Variants in SLC2A9 observed in about 807,000 individuals in gnomAD.
SLC2A9 encodes solute carrier family 2, facilitated glucose transporter member 9.
SLC2A9 carries 39 observed loss-of-function variants against 50.6 expected under a neutral mutation model. The ratio of observed to expected loss-of-function variants is 0.77; its 90% CI spans 0.60 to 1.01. SLC2A9 has a LOEUF of 1.01. Ranked by LOEUF, SLC2A9 falls within the 50% of genes least tolerant of loss-of-function variation. The pLI, the probability that SLC2A9 is intolerant of heterozygous loss-of-function variation, is 0.00. For missense variants in SLC2A9, 686 were observed against 677.6 expected (o/e 1.01, Z -0.14); for synonymous variants, 324 against 276.9 (o/e 1.17, Z -1.69).
chr4:9,989,016 A>G (rs948572441), intron 3 of SLC2A9, among the ~76,000 whole-genome samples: 1 of 152,224 alleles, frequency 6.6e-6, no homozygotes, highest in African/African-American at 2.4e-5. Flanking sequence ...TATGGAAATA[A>G]TGTATCTCTC....
chr4:9,785,106 A>G (rs532838307), intron 3 of SLC2A9, among the ~76,000 whole-genome samples: 1 of 152,316 alleles, frequency 6.6e-6, no homozygotes, highest in Admixed American at 6.5e-5. Context: ...TAAGCGAACC[A>G]TTAGGCAACA....
At chr4:9,921,056 T>A (rs1220179637) in intron 6 of SLC2A9, among the ~76,000 whole-genome samples, 3 of 152,206 alleles carry the variant, frequency 2.0e-5, no homozygotes, top group African/African-American at 7.2e-5. Context: ...TTCATCCTCA[T>A]TGCAGGTGTC....
At chr4:9,958,981 C>A (rs375993880) in intron 5 of SLC2A9, among the ~76,000 whole-genome samples, 5 of 112,666 alleles carry the variant, frequency 4.4e-5, no homozygotes, top group Non-Finnish European at 7.2e-5. Flanking sequence ...AAAGGTTGTA[C>A]GAGAAAGGAA....
At chr4:9,887,419 G>A (rs986147467) in intron 10 of SLC2A9, 148 bp downstream of exon 10, 69 of 721,128 alleles carry the variant, frequency 9.6e-5, no homozygotes, top group Non-Finnish European at 1.3e-4. Flanking sequence ...CATTTAAATT[G>A]GGCCAAAAGA....
At chr4:9,952,490 T>A (rs145846196) in intron 5 of SLC2A9, among the ~76,000 whole-genome samples, 1 of 151,828 alleles carries the variant, frequency 6.6e-6, no homozygotes, top group African/African-American at 2.4e-5. Flanking sequence ...CATGAGCCAA[T>A]TAAACCTCTT....
chr4:9,784,721 C>T (rs1718996752), intron 3 of SLC2A9, among the ~76,000 whole-genome samples: 1 of 152,158 alleles, frequency 6.6e-6, no homozygotes, highest in Non-Finnish European at 1.5e-5. Context: ...CAGACCCACA[C>T]CAGTTGAGAG....
Position 9,990,884 on chromosome 4 carries a change from A to G in SLC2A9, c.411-5091T>C, listed in dbSNP as rs532262110. Among the ~76,000 whole-genome samples, 8 of 152,330 alleles carry G rather than the reference A, an allele frequency of 5.3e-5. No homozygotes were observed. The South Asian group carries it at 1.2e-3, about 24-fold the overall frequency. Reference sequence around the variant, plus strand: ...CAAGTCTTCTAAGGCTGGGAGAAGCAGGGTTGAGGATCAGGTTTCCTGGCT... The same window carrying G: ...CAAGTCTTCTAAGGCTGGGAGAAGCGGGGTTGAGGATCAGGTTTCCTGGCT... On this transcript the variant is annotated intron_variant, in intron 3 of 11. Coordinates refer to ENST00000264784, the MANE Select transcript of SLC2A9 (RefSeq NM_020041.3).
chr4:9,964,036 C>T (rs1461818997), intron 5 of SLC2A9, among the ~76,000 whole-genome samples: 3 of 152,090 alleles, frequency 2.0e-5, no homozygotes, highest in Admixed American at 6.5e-5. Context: ...GGACCTGGCA[C>T]GTCACCATCC....
intron 10 of SLC2A9, among the ~76,000 whole-genome samples, chr4:9,875,935 C>CA (rs1266521915): frequency 5.9e-5 from 9 of 152,322 alleles, no homozygotes; most frequent in Admixed American, 2.6e-4. Flanking sequence ...GGGCACCAAA[C>CA]AAAGCCATAG....
In SLC2A9 at chr4:9,996,846, G is replaced by A; in HGVS notation, c.345C>T (p.Ser115=). The stretch of plus-strand genomic sequence containing the variant: ...CCACAAGTCCACCGATGGCGAATAT[G>A]GACACAGTCACAGACCAGAGCAAAG... ...TLTLLWSVTV[S]IFAIGGLVGT... The change falls in exon 3 of 12, where the codon TCC becomes TCT. Residue 115 remains serine (S), a synonymous_variant. Transcript: ENST00000264784. 1 of 1,614,178 alleles carries A rather than the reference G, an allele frequency of 6.2e-7. No individual in the cohort carries two copies. Among genetic ancestry groups the A allele is most frequent in the Non-Finnish European group, 8.5e-7 (1 of 1,180,020 alleles).
chr4:9,959,278 G>C (rs569941413), intron 5 of SLC2A9, among the ~76,000 whole-genome samples: 1 of 151,382 alleles, frequency 6.6e-6, no homozygotes, highest in South Asian at 2.1e-4. Flanking sequence ...TGTAATCCCA[G>C]CTACTCTGAT....
chr4:10,024,920 G>A (rs1167499470), upstream of SLC2A9, among the ~76,000 whole-genome samples: 3 of 152,180 alleles, frequency 2.0e-5, no homozygotes, highest in Non-Finnish European at 4.4e-5. Context: ...GTAGATCCTT[G>A]ACTCACCTAA....
chr4:10,035,202 C>A (rs1399762711), intron 1 of SLC2A9: 1 of 152,242 alleles, frequency 6.6e-6, no homozygotes, highest in Non-Finnish European at 1.5e-5. Context: ...TCCTAGGCAC[C>A]CAGGCTGGGC....
At chr4:9,852,247 CTTTTT>C (rs34058781) in intron 10 of SLC2A9, among the ~76,000 whole-genome samples, 1 of 140,866 alleles carries the variant, frequency 7.1e-6, no homozygotes. Flanking sequence ...ATCCAGTATT[CTTTTT>C]TTTTTTTTTT....
At chr4:9,848,982 G>A (rs547323017) in intron 10 of SLC2A9, among the ~76,000 whole-genome samples, 14 of 152,298 alleles carry the variant, frequency 9.2e-5, no homozygotes, top group South Asian at 2.1e-4. Flanking sequence ...GATTACAGGC[G>A]TGAGCCACCG....
intron 6 of SLC2A9, chr4:9,923,902 C>T (rs938553): frequency 0.18 from 26,730 of 152,216 alleles, 2,561 homozygotes; most frequent in Non-Finnish European, 0.21. Flanking sequence ...TGGCTACTTG[C>T]CTCGTTCTTT....
chr4:9,872,613 G>A (rs562603596), intron 10 of SLC2A9, among the ~76,000 whole-genome samples: 1 of 152,176 alleles, frequency 6.6e-6, no homozygotes, highest in Non-Finnish European at 1.5e-5. Flanking sequence ...GAAAGGGAAA[G>A]ATATATATAT....
rs138206300 is a variant in SLC2A9 at position 9,991,802 on chromosome 4, G to A, written c.410+4979C>T. ...TCTGCAAGCCATGGAGAGAAGCCTC[G>A]GGAGGAAAAGACCTGCCGACACTTT... On this transcript the variant is annotated intron_variant, in intron 3 of 11. Transcript: ENST00000264784. Among the ~76,000 whole-genome samples the A allele has an allele frequency of 2.1e-3, 315 of 152,276 alleles. 1 individual carries two copies. Among genetic ancestry groups the A allele is most frequent in the African/African-American group, 7.0e-3 (291 of 41,558 alleles).
At chr4:10,038,921 G>A (rs1354690010) in intron 1 of SLC2A9, among the ~76,000 whole-genome samples, 1 of 152,178 alleles carries the variant, frequency 6.6e-6, no homozygotes, top group Non-Finnish European at 1.5e-5. Context: ...GGGCTAGGTG[G>A]CTAAATAGTC....
Sources: gnomAD v4.1 joint callset for allele counts (sites outside exome capture counted in the v4.1 genomes callset) on GRCh38, gnomAD v4.1.1 for gene constraint, MANE v1.5 for transcripts, NCBI Gene and HGNC (gene_info 2026-07-23, HGNC 2026-07-21) for gene names.